The following SH3GL1 variants were observed in gnomAD, a reference collection of about 807,000 sequenced individuals.
SH3GL1 encodes the protein endophilin-A2.
Under a neutral mutation model 48.8 loss-of-function variants are expected in SH3GL1, and 21 were observed. The observed-to-expected ratio is 0.43, with a 90% CI of 0.30 to 0.62. SH3GL1 has a LOEUF of 0.62. SH3GL1 is among the 20% of genes least tolerant of loss of function. The pLI is 0.11. For missense variants in SH3GL1, 454 were observed against 503.0 expected, an observed-to-expected ratio of 0.90 and a Z score of 0.93; for synonymous variants, 282 against 217.5, an observed-to-expected ratio of 1.30 and a Z score of -2.61.
chr19:4,360,551 G>A lies in SH3GL1; in HGVS notation c.*1049C>T, dbSNP rs879526015. ...GAGGCTTCACTGGACCACAGGGGGAGGGGAATGTGAATGTGGCCTGGCCCA... is the reference window on the plus strand; with the variant it reads ...GAGGCTTCACTGGACCACAGGGGGAAGGGAATGTGAATGTGGCCTGGCCCA... On this transcript the variant is annotated 3_prime_UTR_variant, in exon 10 of 10. Transcript: ENST00000269886. The A allele has an allele frequency of 2.1e-5, 5 of 233,446 alleles. No homozygotes were observed. The highest frequency in any genetic ancestry group is 4.2e-5 in the Non-Finnish European group (5 of 118,262). The allele number at this position is 233,446 out of a possible 1,614,324, so 14.5% of individuals were successfully genotyped here.
intron 1 of SH3GL1, among the ~76,000 whole-genome samples, chr19:4,383,149 C>T (rs1973169337): frequency 6.6e-6 from 1 of 151,620 alleles, no homozygotes. Flanking sequence ...AACTCCTGAC[C>T]TCAAGTGATC....
intron 1 of SH3GL1, among the ~76,000 whole-genome samples, chr19:4,398,136 C>A (rs2144933803): frequency 6.6e-6 from 1 of 152,284 alleles, no homozygotes; most frequent in South Asian, 2.1e-4. Context: ...TGAGCCACAG[C>A]ACCTGGCAGG....
intron 1 of SH3GL1, among the ~76,000 whole-genome samples, chr19:4,385,065 T>C (rs1227182744): frequency 5.3e-5 from 8 of 150,188 alleles, no homozygotes; most frequent in East Asian, 2.0e-4. Flanking sequence ...GATTGCGCCA[T>C]TGCACTCCAG....
intron 1 of SH3GL1, among the ~76,000 whole-genome samples, chr19:4,387,573 G>C (rs1453213158): frequency 6.6e-6 from 1 of 152,198 alleles, no homozygotes; most frequent in Non-Finnish European, 1.5e-5. Context: ...TTACAGGCAA[G>C]AATCACCACG....
Position 4,364,085 on chromosome 19 carries a change from C to T in SH3GL1, c.465+3G>A, listed in dbSNP as rs146593850. ...AGGCCCCAGGCTGGCGCAGGAGCAG[C>T]ACCTGGATCTCCTTCAGGTCTTTCT... On this transcript the variant is annotated splice_donor_region_variant and intron_variant, in intron 5 of 9. Transcript: ENST00000269886. 1,458 of 1,612,164 alleles carry T rather than the reference C, an allele frequency of 9.0e-4. 20 individuals are homozygous for T. In the African/African-American group the frequency reaches 0.017, roughly 18 times the overall value.
intron 1 of SH3GL1, among the ~76,000 whole-genome samples, chr19:4,370,800 G>T (rs566048233): frequency 1.2e-4 from 19 of 152,374 alleles, no homozygotes; most frequent in Non-Finnish European, 2.8e-4. Flanking sequence ...GAGGACCAGG[G>T]CTGAGAAGTC....
intron 9 of SH3GL1, 100 bp downstream of exon 9, chr19:4,362,229 C>G: frequency 8.0e-7 from 1 of 1,254,072 alleles, no homozygotes; most frequent in Non-Finnish European, 1.1e-6. Flanking sequence ...CTGGCCCCTC[C>G]CTGCTTGAGA....
At chr19:4,384,685 A>T (rs1339020155) in intron 1 of SH3GL1, among the ~76,000 whole-genome samples, 2 of 152,180 alleles carry the variant, frequency 1.3e-5, no homozygotes, top group African/African-American at 2.4e-5. Context: ...GAGACTCTAA[A>T]TGTCCACTGG....
intron 1 of SH3GL1, among the ~76,000 whole-genome samples, chr19:4,374,090 T>A (rs1395569421): frequency 2.0e-5 from 3 of 152,052 alleles, no homozygotes; most frequent in Admixed American, 1.3e-4. Context: ...TCATTTGAAG[T>A]CACAGCACAT....
chr19:4,371,438 T>C (rs555088131), intron 1 of SH3GL1, among the ~76,000 whole-genome samples: 2 of 152,386 alleles, frequency 1.3e-5, no homozygotes, highest in African/African-American at 4.8e-5. Context: ...ATGGGCGGCC[T>C]TGGGATTTAA....
chr19:4,384,403 A>G (rs1030104528), intron 1 of SH3GL1, among the ~76,000 whole-genome samples: 3 of 152,218 alleles, frequency 2.0e-5, no homozygotes, highest in Admixed American at 6.5e-5. Flanking sequence ...CGATATTGCT[A>G]GCCACCGGTC....
chr19:4,361,914 T>TGACTGGGCCACCCCCTGCCCC (rs1972627706), intron 9 of SH3GL1, 118 bp from the exon 10 acceptor site: 1 of 721,904 alleles, frequency 1.4e-6, no homozygotes, highest in Admixed American at 2.4e-5. Flanking sequence ...CCCTCTGCCC[T>TGACTGGGCCACCCCCTGCCCC]GCCTGGGCCA....
At position 4,376,852 on chromosome 19, in the gene SH3GL1, G is replaced by A. The variant is rs571910925; in HGVS notation, c.46-9858C>T. On this transcript the variant is annotated intron_variant, in intron 1 of 9. Transcript: ENST00000269886. The surrounding 1 kb of genome is among the most constrained non-coding windows in gnomAD (Gnocchi z 4.3). ...CCCCTGCTGTCCCGTCTCAGACACA[G>A]GAAGCACTCTCCAATGCTTAGCGCC... 1.3e-5 allele frequency among the ~76,000 whole-genome samples: 2 copies of A among 152,264 alleles called. No homozygotes were observed. The highest frequency in any genetic ancestry group is 4.1e-4 in the South Asian group (2 of 4,826).
chr19:4,363,606 C>T (rs1442038250), intron 6 of SH3GL1, 114 bp downstream of exon 6: 4 of 1,491,646 alleles, frequency 2.7e-6, no homozygotes, highest in Non-Finnish European at 9.3e-7. Context: ...CCCTCCACCT[C>T]CCCTGCTGCA....
intron 1 of SH3GL1, among the ~76,000 whole-genome samples, chr19:4,396,966 G>A (rs537409923): frequency 6.6e-6 from 1 of 152,282 alleles, no homozygotes; most frequent in Non-Finnish European, 1.5e-5. Flanking sequence ...GACCAGCTGA[G>A]ACCTACTGGT....
rs868838976 is a variant in SH3GL1 at position 4,389,436 on chromosome 19, G to A, written c.45+10888C>T. Among the ~76,000 whole-genome samples the A allele has an allele frequency of 7.2e-5, 11 of 152,248 alleles. No individual in the cohort carries two copies. Among genetic ancestry groups the A allele is most frequent in the Middle Eastern group, 3.4e-3 (1 of 294 alleles). ...ATGAGGTTGGGAGGTAGGAGAGGCC[G>A]GTGACATGGACAGGAGGCAGGAGAG... On this transcript the variant is annotated intron_variant, in intron 1 of 9. Transcript: ENST00000269886. The surrounding 1 kb of genome is among the most constrained non-coding windows in gnomAD (Gnocchi z 4.5).
chr19:4,387,309 G>GA (rs1973254104), intron 1 of SH3GL1, among the ~76,000 whole-genome samples: 1 of 149,644 alleles, frequency 6.7e-6, no homozygotes, highest in South Asian at 2.1e-4. Context: ...CTTTGTTTTT[G>GA]TTTTTTTTAG....
chr19:4,367,111 G>A lies in SH3GL1; in HGVS notation c.46-117C>T. 1 of 907,098 alleles carries A rather than the reference G, an allele frequency of 1.1e-6. No homozygotes were observed. The highest frequency in any genetic ancestry group is 1.8e-6 in the Non-Finnish European group (1 of 549,446). 56.2% of individuals were successfully genotyped at this position (907,098 alleles called of 1,614,324 possible). ...TCCACAGCTGGAGGCAGGAGGCCAA[G>A]TGATCAGGACACACACCTCAGGCAC... On this transcript the variant is annotated intron_variant, in intron 1 of 9. Transcript: ENST00000269886. This position sits in a 1 kb window ranked among gnomAD's most constrained non-coding sequence, Gnocchi z 4.2.
rs1025503376 is a variant in SH3GL1 at position 4,361,099 on chromosome 19, C to T, written c.*501G>A. ...CATTGGCCCTGGAGTAGGGCCAGGG[C>T]CCATCACCAGCACCAGGCTGGGAGG... On this transcript the variant is annotated 3_prime_UTR_variant, in exon 10 of 10. Transcript: ENST00000269886. 21 of 246,236 alleles carry T rather than the reference C, an allele frequency of 8.5e-5. No individual in the cohort carries two copies. Among genetic ancestry groups the T allele is most frequent in the Non-Finnish European group, 1.4e-4 (18 of 126,988 alleles). The allele number at this position is 246,236 out of a possible 1,614,324, so 15.3% of individuals were successfully genotyped here.
Sources: allele counts gnomAD v4.1 joint callset (sites outside exome capture counted in the v4.1 genomes callset), GRCh38; gene constraint gnomAD v4.1.1; non-coding constraint Gnocchi (gnomAD v3.1); transcripts MANE v1.5; gene names NCBI Gene and HGNC (gene_info 2026-07-23, HGNC 2026-07-21).